The following GLDC variants were observed in gnomAD, a reference collection of about 807,000 sequenced individuals.
GLDC encodes glycine decarboxylase, also known as glycine dehydrogenase (decarboxylating), mitochondrial.
Under a neutral mutation model 121.3 loss-of-function variants are expected in GLDC, and 104 were observed. The ratio of observed to expected loss-of-function variants is 0.86; its 90% CI spans 0.73 to 1.01. The LOEUF is 1.01. Among genes scored for constraint, GLDC ranks in the 50% least tolerant of loss-of-function variants. GLDC has a pLI of 0.00. For missense variants in GLDC, 1,429 were observed against 1,306.6 expected, an observed-to-expected ratio of 1.09 and a Z score of -1.44; for synonymous variants, 546 against 480.6, an observed-to-expected ratio of 1.14 and a Z score of -1.78.
intron 15 of GLDC, chr9:6,568,905 G>A (rs897109669): frequency 2.0e-5 from 3 of 152,182 alleles, no homozygotes; most frequent in African/African-American, 7.2e-5. Flanking sequence ...ATTTACTCAG[G>A]CTGATTAAGG....
chr9:6,628,856 C>G (rs1819303368), intron 2 of GLDC, among the ~76,000 whole-genome samples: 1 of 152,188 alleles, frequency 6.6e-6, no homozygotes, highest in South Asian at 2.1e-4. Context: ...GGAATTCAGG[C>G]AATCCTTCAG....
At chr9:6,546,275 C>T (rs907601833) in intron 21 of GLDC, among the ~76,000 whole-genome samples, 117 of 151,954 alleles carry the variant, frequency 7.7e-4, no homozygotes, top group Non-Finnish European at 2.5e-4. Context: ...TCACTGCAGC[C>T]TCAACTTCCC....
At position 6,532,510 on chromosome 9, in the gene GLDC, T is replaced by TA. The variant is rs3215922; in HGVS notation, c.*506dup. On this transcript the variant is annotated 3_prime_UTR_variant, in exon 25 of 25. Coordinates refer to ENST00000321612, the MANE Select transcript of GLDC (RefSeq NM_000170.3). ...TATTAGAATACTAATAAATGCAGATTAAAAAAAAAAAAACCTCACACAGAA... is the reference window on the plus strand; with the variant it reads ...TATTAGAATACTAATAAATGCAGATTAAAAAAAAAAAAAACCTCACACAGAA... 0.039 allele frequency: 5,829 copies of TA among 147,924 alleles called. 348 individuals are homozygous for TA. Among genetic ancestry groups the TA allele is most frequent in the African/African-American group, 0.13 (5,094 of 38,996 alleles). 9.2% of individuals were successfully genotyped at this position (147,924 alleles called of 1,614,324 possible).
At chr9:6,575,519 T>C (rs1457787094) in intron 15 of GLDC, among the ~76,000 whole-genome samples, 1 of 152,208 alleles carries the variant, frequency 6.6e-6, no homozygotes, top group Non-Finnish European at 1.5e-5. Flanking sequence ...GCACAAGCCC[T>C]CCAGGTGATT....
In GLDC at chr9:6,604,674, C is replaced by T. The variant is rs754536865; in HGVS notation, c.972G>A (p.Leu324=). The part of the protein sequence containing the change: ...LGSSQRFGVP[L]GYGGPHAAFF... ...ATGCTGCATGGGGTCCCCCATAGCCCAGTGGCACTCCAAATCTCTGGGAGC... is the reference window on the plus strand; with the variant it reads ...ATGCTGCATGGGGTCCCCCATAGCCTAGTGGCACTCCAAATCTCTGGGAGC... The change falls in exon 7 of 25, where the codon CTG becomes CTA. Residue 324 remains leucine (L), a synonymous_variant. Transcript: ENST00000321612. 10 of 1,614,018 alleles carry T rather than the reference C, an allele frequency of 6.2e-6. No homozygotes were observed. Among genetic ancestry groups the T allele is most frequent in the Middle Eastern group, 3.3e-4 (2 of 6,050 alleles).
intron 22 of GLDC, among the ~76,000 whole-genome samples, chr9:6,537,228 C>T (rs1817146873): frequency 6.6e-6 from 1 of 152,028 alleles, no homozygotes; most frequent in Non-Finnish European, 1.5e-5. Flanking sequence ...CAGAGTTTCA[C>T]CATGTTGTCC....
At chr9:6,619,746 G>A (rs950740471) in intron 3 of GLDC, among the ~76,000 whole-genome samples, 1 of 152,052 alleles carries the variant, frequency 6.6e-6, no homozygotes, top group African/African-American at 2.4e-5. Flanking sequence ...GGTAGGCGGG[G>A]AATCCTGAGA....
chr9:6,570,768 C>T (rs1411446446), intron 15 of GLDC, among the ~76,000 whole-genome samples: 3 of 149,702 alleles, frequency 2.0e-5, no homozygotes, highest in Non-Finnish European at 4.4e-5. Context: ...ACAAGAGAAT[C>T]ACTTGAACCC....
chr9:6,606,771 A>C (rs970076672), intron 4 of GLDC, 102 bp from the exon 5 acceptor site: 1 of 807,306 alleles, frequency 1.2e-6, no homozygotes. Flanking sequence ...GTCTAAGCAC[A>C]GTATAAAAAA....
intron 15 of GLDC, among the ~76,000 whole-genome samples, chr9:6,569,742 G>A (rs972673675): frequency 2.0e-5 from 3 of 152,042 alleles, no homozygotes; most frequent in Non-Finnish European, 4.4e-5. Flanking sequence ...TTGGGAGGCC[G>A]AGGCGAGCGG....
intron 2 of GLDC, among the ~76,000 whole-genome samples, chr9:6,643,475 G>T (rs568182770): frequency 2.9e-4 from 43 of 150,294 alleles, no homozygotes; most frequent in African/African-American, 9.8e-4. Flanking sequence ...CTCTTCATTT[G>T]ACTCTAGAAG....
chr9:6,620,331 A>G lies in GLDC; in HGVS notation c.335-12T>C. On this transcript the variant is annotated splice_polypyrimidine_tract_variant and intron_variant, in intron 2 of 24. Transcript: ENST00000321612. ...GATTTCATTTTCACCTAATTGTGGGAAAAAGAGAAATGTTACAGACAGATG... is the reference window on the plus strand; with the variant it reads ...GATTTCATTTTCACCTAATTGTGGGGAAAAGAGAAATGTTACAGACAGATG... 1 of 1,611,490 alleles carries G rather than the reference A, an allele frequency of 6.2e-7. No homozygotes were observed. The highest frequency in any genetic ancestry group is 8.5e-7 in the Non-Finnish European group (1 of 1,177,602).
Position 6,596,918 on chromosome 9 carries a change from C to T in GLDC, c.1156-1799G>A, listed in dbSNP as rs371414858. On this transcript the variant is annotated intron_variant, in intron 8 of 24. Transcript: ENST00000321612. ...ACCAAAAGAACTGAAAACATTACAT[C>T]CATACAAAAATTTACACAGAAGTGT... Among the ~76,000 whole-genome samples the T allele has an allele frequency of 2.0e-5, 3 of 152,300 alleles. No individual in the cohort carries two copies. In the South Asian group the frequency reaches 6.2e-4, roughly 32 times the overall value.
intron 11 of GLDC, among the ~76,000 whole-genome samples, chr9:6,589,646 C>G (rs969601954): frequency 1.3e-5 from 2 of 152,128 alleles, no homozygotes; most frequent in African/African-American, 4.8e-5. Flanking sequence ...AGGCTGGTCA[C>G]AAACTCCTGG....
intron 24 of GLDC, chr9:6,534,182 C>CAAA (rs1225665276): frequency 1.1e-4 from 6 of 56,636 alleles, no homozygotes; most frequent in East Asian, 4.6e-4. Flanking sequence ...GACTCCGTCT[C>CAAA]AAAAAAAAAA....
intron 9 of GLDC, among the ~76,000 whole-genome samples, chr9:6,593,627 T>C (rs1461858037): frequency 1.3e-5 from 2 of 151,762 alleles, no homozygotes; most frequent in African/African-American, 4.8e-5. Context: ...TATAGATCAC[T>C]ATTTTAAACC....
intron 21 of GLDC, 138 bp from the exon 22 acceptor site, chr9:6,540,284 G>C (rs758503597): frequency 1.4e-5 from 10 of 698,478 alleles, no homozygotes; most frequent in Non-Finnish European, 2.6e-5. Context: ...TGGGCACCGG[G>C]TAAGTTTATT....
chr9:6,588,549 A>G (rs1818314684), intron 13 of GLDC, 69 bp downstream of exon 13: 1 of 1,442,796 alleles, frequency 6.9e-7, no homozygotes, highest in Non-Finnish European at 9.8e-7. Flanking sequence ...CTTGGAGCAT[A>G]TTAGGTAGGA....
intron 2 of GLDC, among the ~76,000 whole-genome samples, chr9:6,642,409 T>C (rs924343606): frequency 6.6e-6 from 1 of 152,100 alleles, no homozygotes; most frequent in Admixed American, 6.6e-5. Flanking sequence ...TGCACGTCTG[T>C]AATCCCAGCT....
Sources: gnomAD v4.1 joint callset for allele counts (sites outside exome capture counted in the v4.1 genomes callset) on GRCh38, gnomAD v4.1.1 for gene constraint, MANE v1.5 for transcripts, NCBI Gene and HGNC (gene_info 2026-07-23, HGNC 2026-07-21) for gene names.